The following DNAH12 variants were observed in gnomAD, a reference collection of about 807,000 sequenced individuals.
DNAH12 encodes dynein axonemal heavy chain 12.
DNAH12 carries 285 observed loss-of-function variants against 371.5 expected under a neutral mutation model. The ratio of observed to expected loss-of-function variants is 0.77; its 90% CI spans 0.70 to 0.85. DNAH12 has a LOEUF of 0.85. Ranked by LOEUF, DNAH12 falls within the 40% of genes least tolerant of loss-of-function variation. The probability of loss-of-function intolerance (pLI) is 0.00; values close to 1 mark genes in which losing one functional copy is unlikely to be tolerated. For synonymous variants in DNAH12, 1,200 were observed against 1,213.0 expected (o/e 0.99, Z 0.22); for missense variants, 3,611 against 3,689.4 (o/e 0.98, Z 0.55).
chr3:57,457,375 C>G (rs949644536), intron 22 of DNAH12, among the ~76,000 whole-genome samples: 1 of 152,160 alleles, frequency 6.6e-6, no homozygotes, highest in African/African-American at 2.4e-5. Flanking sequence ...CGTAGGATAC[C>G]TAGATGCTCT....
chr3:57,330,244 C>A (rs1227254420), intron 62 of DNAH12, among the ~76,000 whole-genome samples: 1 of 150,914 alleles, frequency 6.6e-6, no homozygotes, highest in African/African-American at 2.4e-5. Context: ...AATCATGCTG[C>A]TATAAAGACA....
intron 4 of DNAH12, among the ~76,000 whole-genome samples, chr3:57,513,727 A>ATTT (rs1166183621): frequency 9.9e-5 from 15 of 152,184 alleles, no homozygotes; most frequent in African/African-American, 3.6e-4. Context: ...TAATTACAGA[A>ATTT]AGCAAATTTA....
At chr3:57,307,147 G>C in intron 69 of DNAH12, among the ~76,000 whole-genome samples, 1 of 152,054 alleles carries the variant, frequency 6.6e-6, no homozygotes, top group Non-Finnish European at 1.5e-5. Context: ...TGCTCTCCCT[G>C]CCGATCGTGT....
chr3:57,303,468 G>A (rs1009530367), intron 69 of DNAH12, among the ~76,000 whole-genome samples: 1 of 148,152 alleles, frequency 6.7e-6, no homozygotes, highest in East Asian at 2.0e-4. Flanking sequence ...CTGGAGTGCA[G>A]TGCCACGATC....
intron 45 of DNAH12, among the ~76,000 whole-genome samples, chr3:57,389,839 T>TATATATATATATATATATATATAAAAAA (rs1326237791): frequency 1.2e-5 from 1 of 84,846 alleles, no homozygotes; most frequent in African/African-American, 3.5e-5. Context: ...TATATATATA[T>TATATATATATATATATATATATAAAAAA]AATACTTTTT....
intron 23 of DNAH12, 63 bp from the exon 24 acceptor site, chr3:57,453,466 T>C (rs754709283): frequency 1.2e-5 from 16 of 1,333,522 alleles, no homozygotes; most frequent in Non-Finnish European, 1.6e-5. Context: ...ATGTATTTTA[T>C]ATATTTAGTC....
At chr3:57,318,913 G>C (rs1163624052) in intron 65 of DNAH12, among the ~76,000 whole-genome samples, 2 of 151,948 alleles carry the variant, frequency 1.3e-5, no homozygotes, top group Non-Finnish European at 2.9e-5. Flanking sequence ...TTTTAAGATT[G>C]GGATTTTGAT....
Position 57,335,376 on chromosome 3 carries a change from A to G in DNAH12, c.9675-436T>C, listed in dbSNP as rs573455652. On this transcript the variant is annotated intron_variant, in intron 60 of 73. Transcript: ENST00000495027. ...GGAAGATGAATGGAAAAGGTGAATG[A>G]ATGTCTTAAAAATCTACAGAGGTGC... Among the ~76,000 whole-genome samples the G allele has an allele frequency of 7.9e-5, 12 of 152,316 alleles. No individual in the cohort carries two copies. The South Asian group carries it at 2.5e-3, about 32-fold the overall frequency.
chr3:57,532,085 T>G (rs1200124809), intron 2 of DNAH12, among the ~76,000 whole-genome samples: 2 of 152,166 alleles, frequency 1.3e-5, no homozygotes, highest in Non-Finnish European at 2.9e-5. Context: ...CACTAATTCT[T>G]TCTGCTTGAT....
rs767173428 is a variant in DNAH12, at chr3:57,501,400, T to A, written c.1256A>T (p.Asn419Ile). The change falls in exon 11 of 74, where the codon AAT becomes ATT. Residue 419 changes from asparagine (N) to isoleucine (I), a missense_variant. By Grantham distance (149) the Asn-to-Ile change is moderately radical (BLOSUM62 -3). This residue lies in a region of DNAH12 where 1,314 missense variants were observed against 1,398.7 expected (regional missense o/e 0.94). Transcript: ENST00000495027. ...AACTGCAGTCCCATCAAGGAGCCAATTATATTTTTCAACTGAAAATTAATA... is the reference window on the plus strand; with the variant it reads ...AACTGCAGTCCCATCAAGGAGCCAAATATATTTTTCAACTGAAAATTAATA... ...KHYETYVEKY[N>I]WLLDGTAVEN... is the part of the protein sequence containing the mutation. 2.5e-6 allele frequency: 4 copies of A among 1,584,726 alleles called. No individual in the cohort carries two copies. The East Asian group carries it at 6.8e-5, about 27-fold the overall frequency.
At chr3:57,405,266 T>G in intron 41 of DNAH12, 119 bp from the exon 42 acceptor site, 19 of 816,896 alleles carry the variant, frequency 2.3e-5, no homozygotes, top group Middle Eastern at 3.7e-4. Flanking sequence ...ATTAGGGTAG[T>G]AAAAAATGCA....
intron 2 of DNAH12, chr3:57,530,644 A>G: frequency 2.0e-6 from 1 of 503,300 alleles, no homozygotes; most frequent in East Asian, 3.3e-5. Context: ...CACCACTGTC[A>G]GTAGAGTGTG....
At chr3:57,309,590 C>T (rs761904449) in intron 68 of DNAH12, 76 bp downstream of exon 68, 2 of 1,293,026 alleles carry the variant, frequency 1.5e-6, no homozygotes, top group Non-Finnish European at 2.0e-6. Flanking sequence ...AATGCTAGTA[C>T]ATGGAGTTTT....
intron 58 of DNAH12, among the ~76,000 whole-genome samples, chr3:57,363,123 A>G (rs2062974699): frequency 6.6e-6 from 1 of 152,176 alleles, no homozygotes; most frequent in African/African-American, 2.4e-5. Flanking sequence ...AAATAACACC[A>G]TGCATCTATA....
At chr3:57,340,729 GA>G (rs1553655780) in intron 60 of DNAH12, among the ~76,000 whole-genome samples, 1 of 152,190 alleles carries the variant, frequency 6.6e-6, no homozygotes, top group Admixed American at 6.5e-5. Context: ...AACTTTTAAA[GA>G]ACTAATATTT....
chr3:57,425,882 G>A (rs530718334), intron 34 of DNAH12, among the ~76,000 whole-genome samples: 176 of 152,228 alleles, frequency 1.2e-3, no homozygotes, highest in African/African-American at 3.9e-3. Flanking sequence ...AAAAATGGAT[G>A]ATATTAAAAT....
At chr3:57,300,158 A>G (rs986593583) in intron 70 of DNAH12, among the ~76,000 whole-genome samples, 1 of 152,142 alleles carries the variant, frequency 6.6e-6, no homozygotes. Context: ...CACTGTTTCA[A>G]TGTATTTTCA....
chr3:57,312,903 T>C (rs1264688888), intron 66 of DNAH12, among the ~76,000 whole-genome samples: 1 of 152,234 alleles, frequency 6.6e-6, no homozygotes, highest in African/African-American at 2.4e-5. Context: ...ACTATTTCTA[T>C]ACAAATTATG....
Position 57,471,549 on chromosome 3 carries a change from G to A in DNAH12, c.1834C>T (p.Leu612Phe), listed in dbSNP as rs1030339308. ...ENELMAKREK[L>F]ILEIEKESRR... ...GATTCTTTTTCTATTTCCAAAATAA[G>A]TTTCTCTCTCTTGGCCATTAGTTCA... The change falls in exon 15 of 74, where the codon CTT becomes TTT. Residue 612 changes from leucine (L) to phenylalanine (F), a missense_variant. Coordinates refer to ENST00000495027, the MANE Select transcript of DNAH12 (RefSeq NM_001366028.2). 1.3e-6 allele frequency: 2 copies of A among 1,549,026 alleles called. No individual in the cohort carries two copies. Among genetic ancestry groups the A allele is most frequent in the African/African-American group, 2.7e-5 (2 of 72,840 alleles).
Sources: allele counts gnomAD v4.1 joint callset (sites outside exome capture counted in the v4.1 genomes callset), GRCh38; gene constraint gnomAD v4.1.1; regional missense constraint gnomAD v4.1.1; transcripts MANE v1.5; gene names NCBI Gene and HGNC (gene_info 2026-07-23, HGNC 2026-07-21).